Variants in THSD8 observed in about 807,000 individuals in gnomAD.
THSD8 encodes thrombospondin type-1 domain-containing protein 8.
chr19:12,804,363 G>A lies in THSD8; in HGVS notation c.*60G>A, dbSNP rs745397332. ...GGGGCCCAGGGTGGGCGCGGAGGGA[G>A]GATGTGCGGTGCGGGGCGGGTATGA... On this transcript the variant is annotated 3_prime_UTR_variant, in exon 2 of 2. Coordinates refer to ENST00000639810, the MANE Select transcript of THSD8 (RefSeq NM_001386800.1). 2.5e-4 allele frequency: 101 copies of A among 398,344 alleles called. No individual in the cohort carries two copies. Among genetic ancestry groups the A allele is most frequent in the Non-Finnish European group, 1.5e-4 (34 of 226,022 alleles). The allele number at this position is 398,344 out of a possible 1,614,324, so 24.7% of individuals were successfully genotyped here.
intron 1 of THSD8, among the ~76,000 whole-genome samples, chr19:12,802,811 G>T (rs1037599441): frequency 6.6e-6 from 1 of 152,068 alleles, no homozygotes; most frequent in Non-Finnish European, 1.5e-5. Context: ...TCAGTAAAGA[G>T]CCCTTTAAAG....
At chr19:12,803,490 G>A (rs1375462714) in intron 1 of THSD8, among the ~76,000 whole-genome samples, 1 of 152,086 alleles carries the variant, frequency 6.6e-6, no homozygotes, top group African/African-American at 2.4e-5. Context: ...CTCACAACTG[G>A]GCAGGCTGGC....
At chr19:12,802,347 C>G (rs1034834057) in intron 1 of THSD8, 128 bp downstream of exon 1, 8 of 396,788 alleles carry the variant, frequency 2.0e-5, no homozygotes, top group Admixed American at 1.8e-4. Context: ...GAGGCGTCCC[C>G]TTGGGCTGGT....
In THSD8 at chr19:12,803,911, C is replaced by CAAAAAAAAAAAAA. The variant is rs761806696; in HGVS notation, c.149-178_149-166dup. Among the ~76,000 whole-genome samples the CAAAAAAAAAAAAA allele has an allele frequency of 9.8e-4, 34 of 34,866 alleles. 5 individuals carry two copies. Among genetic ancestry groups the CAAAAAAAAAAAAA allele is most frequent in the African/African-American group, 3.1e-3 (27 of 8,716 alleles). The allele number at this position is 34,866 out of a possible 152,430, so 22.9% of individuals were successfully genotyped here. On this transcript the variant is annotated intron_variant, in intron 1 of 1. Transcript: ENST00000639810. ...TGGGCGACAGAGCGAGACCCTGTCT[C>CAAAAAAAAAAAAA]AAAAAAAAAAAAAAAAAAAAAAAAA...
At chr19:12,803,594 C>T (rs1235035987) in intron 1 of THSD8, among the ~76,000 whole-genome samples, 2 of 152,004 alleles carry the variant, frequency 1.3e-5, no homozygotes, top group African/African-American at 2.4e-5. Context: ...TCTTGGTTTC[C>T]CCACCTGAGA....
At chr19:12,803,755 AC>A (rs1968939200) in intron 1 of THSD8, among the ~76,000 whole-genome samples, 1 of 151,776 alleles carries the variant, frequency 6.6e-6, no homozygotes. Context: ...TGCAAAAAAT[AC>A]AAAAAATTAG....
At chr19:12,803,969 C>G (rs1568385542) in intron 1 of THSD8, 135 bp from the exon 2 acceptor site, 1 of 167,406 alleles carries the variant, frequency 6.0e-6, no homozygotes, top group Non-Finnish European at 1.2e-5. Flanking sequence ...GGCAGGGTGT[C>G]TGGCATAGAA....
chr19:12,804,326 G>A lies in THSD8; in HGVS notation c.*23G>A, dbSNP rs1036193993. ...TGAGCCCGGGTGAGAGAGCAGGGCC[G>A]GGGCAAGTTGCGGGGCCCAGGGTGG... is the stretch of plus-strand genomic sequence containing the variant. On this transcript the variant is annotated 3_prime_UTR_variant, in exon 2 of 2. Coordinates refer to ENST00000639810, the MANE Select transcript of THSD8 (RefSeq NM_001386800.1). 2.5e-6 allele frequency: 1 copy of A among 398,616 alleles called. No individual in the cohort carries two copies. Among genetic ancestry groups the A allele is most frequent in the East Asian group, 3.6e-5 (1 of 28,076 alleles). The allele number at this position is 398,616 out of a possible 1,614,324, so 24.7% of individuals were successfully genotyped here. A position where few individuals can be genotyped will look rare whatever the true frequency, so the allele number is the denominator to read the frequency against.
At chr19:12,803,651 C>T (rs754177281) in intron 1 of THSD8, among the ~76,000 whole-genome samples, 7 of 152,042 alleles carry the variant, frequency 4.6e-5, no homozygotes, top group African/African-American at 1.2e-4. Flanking sequence ...TGGCTCACAC[C>T]TGTAATCCCA....
At chr19:12,802,698 A>G (rs1297268059) in intron 1 of THSD8, among the ~76,000 whole-genome samples, 1 of 152,162 alleles carries the variant, frequency 6.6e-6, no homozygotes, top group Non-Finnish European at 1.5e-5. Context: ...TGTGGCAGAG[A>G]CATGGGTGTG....
In THSD8 at chr19:12,804,325, C is replaced by T. The variant is rs184071853; in HGVS notation, c.*22C>T. On this transcript the variant is annotated 3_prime_UTR_variant, in exon 2 of 2. Coordinates refer to ENST00000639810, the MANE Select transcript of THSD8 (RefSeq NM_001386800.1). ...CTGAGCCCGGGTGAGAGAGCAGGGC[C>T]GGGGCAAGTTGCGGGGCCCAGGGTG... The T allele has an allele frequency of 1.6e-3, 619 of 398,572 alleles. 4 individuals are homozygous for T. Among genetic ancestry groups the T allele is most frequent in the Non-Finnish European group, 9.6e-4 (217 of 226,068 alleles). 24.7% of individuals were successfully genotyped at this position (398,572 alleles called of 1,614,324 possible).
chr19:12,802,706 G>T (rs1235458153), intron 1 of THSD8, among the ~76,000 whole-genome samples: 2 of 152,222 alleles, frequency 1.3e-5, no homozygotes, highest in East Asian at 3.8e-4. Context: ...AGACATGGGT[G>T]TGGGAGGGTA....
At chr19:12,803,765 A>T (rs1470262145) in intron 1 of THSD8, among the ~76,000 whole-genome samples, 3 of 151,894 alleles carry the variant, frequency 2.0e-5, no homozygotes, top group Non-Finnish European at 4.4e-5. Flanking sequence ...ACAAAAAATT[A>T]GCCAGGCACA....
At chr19:12,803,757 A>G (rs1237993069) in intron 1 of THSD8, among the ~76,000 whole-genome samples, 1 of 151,752 alleles carries the variant, frequency 6.6e-6, no homozygotes, top group Non-Finnish European at 1.5e-5. Flanking sequence ...CAAAAAATAC[A>G]AAAAATTAGC....
chr19:12,802,375 C>G (rs1360320747), intron 1 of THSD8, among the ~76,000 whole-genome samples, 156 bp downstream of exon 1: 1 of 152,190 alleles, frequency 6.6e-6, no homozygotes, highest in Non-Finnish European at 1.5e-5. Flanking sequence ...CTCTAAGGCT[C>G]GGTTTACTCT....
Position 12,804,305 on chromosome 19 carries a change from C to A in THSD8, c.*2C>A. Reference sequence around the variant, plus strand: ...TTCGACTGCGACTGGAGGCTCTGAGCCCGGGTGAGAGAGCAGGGCCGGGGC... The same window carrying A: ...TTCGACTGCGACTGGAGGCTCTGAGACCGGGTGAGAGAGCAGGGCCGGGGC... On this transcript the variant is annotated 3_prime_UTR_variant, in exon 2 of 2. Transcript: ENST00000639810. 1 of 398,598 alleles carries A rather than the reference C, an allele frequency of 2.5e-6. No homozygotes were observed. 24.7% of individuals were successfully genotyped at this position (398,598 alleles called of 1,614,324 possible).
rs569863437 is a variant in THSD8 at position 12,802,134 on chromosome 19, T to G, written c.63T>G (p.Pro21=). The change falls in exon 1 of 2, where the codon CCT becomes CCG. Residue 21 remains proline (P), a synonymous_variant. Transcript: ENST00000639810. ...APLLLLQLAT[P]ALVYQDYQYL... ...TGCTACTCCTGCAGCTGGCGACCCC[T>G]GCCCTGGTCTACCAGGACTATCAGT... The G allele has an allele frequency of 6.8e-5, 27 of 398,702 alleles. No homozygotes were observed. Among genetic ancestry groups the G allele is most frequent in the Middle Eastern group, 1.3e-3 (2 of 1,588 alleles). 24.7% of individuals were successfully genotyped at this position (398,702 alleles called of 1,614,324 possible). A position where few individuals can be genotyped will look rare whatever the true frequency, so the allele number is the denominator to read the frequency against.
At chr19:12,802,367 C>G (rs766758145) in intron 1 of THSD8, 148 bp downstream of exon 1, 30 of 396,530 alleles carry the variant, frequency 7.6e-5, no homozygotes, top group Non-Finnish European at 1.1e-4. Context: ...TTACTTTTCT[C>G]TAAGGCTCGG....
At chr19:12,803,911 C>CAAAAAAAAA (rs761806696) in intron 1 of THSD8, among the ~76,000 whole-genome samples, 193 bp from the exon 2 acceptor site, 9 of 34,866 alleles carry the variant, frequency 2.6e-4, no homozygotes, top group Non-Finnish European at 3.1e-4. Flanking sequence ...GACCCTGTCT[C>CAAAAAAAAA]AAAAAAAAAA....
Sources: allele counts gnomAD v4.1 joint callset (sites outside exome capture counted in the v4.1 genomes callset), GRCh38; gene constraint gnomAD v4.1.1; transcripts MANE v1.5; gene names NCBI Gene and HGNC (gene_info 2026-07-23, HGNC 2026-07-21).